Variants in CD226 observed in about 807,000 individuals in gnomAD.
The protein encoded by CD226 is CD226 molecule, also known as CD226 antigen.
A neutral mutation model predicts 34.9 loss-of-function variants in CD226; 24 were observed. The observed-to-expected ratio is 0.69, with a 90% CI of 0.50 to 0.97. The LOEUF (loss-of-function observed/expected upper bound fraction) is 0.97. Ranked by LOEUF, CD226 falls within the 50% of genes least tolerant of loss-of-function variation. CD226 has a pLI of 0.00. For missense variants in CD226, 397 were observed against 412.7 expected, an observed-to-expected ratio of 0.96 and a Z score of 0.33; for synonymous variants, 148 against 147.4, an observed-to-expected ratio of 1.00 and a Z score of -0.03.
intron 1 of CD226, among the ~76,000 whole-genome samples, chr18:69,955,664 C>A (rs2055890528): frequency 6.6e-6 from 1 of 152,008 alleles, no homozygotes; most frequent in South Asian, 2.1e-4. Flanking sequence ...GAGATCGAGA[C>A]CATCGTGGCT....
chr18:69,940,146 C>G (rs1256259802), intron 2 of CD226, among the ~76,000 whole-genome samples: 1 of 152,204 alleles, frequency 6.6e-6, no homozygotes, highest in Non-Finnish European at 1.5e-5. Context: ...CTTCTTCTCC[C>G]TGCTACCATG....
At chr18:69,883,298 C>A (rs925130442) in intron 3 of CD226, among the ~76,000 whole-genome samples, 1 of 151,738 alleles carries the variant, frequency 6.6e-6, no homozygotes, top group African/African-American at 2.4e-5. Context: ...TAAAAAAAAC[C>A]TAGAAAAATG....
In CD226 at chr18:69,860,225, T is replaced by C. The variant is rs1293289846; in HGVS notation, c.*4089A>G. 6.6e-6 allele frequency: 1 copy of C among 152,216 alleles called. No individual in the cohort carries two copies. The highest frequency in any genetic ancestry group is 1.5e-5 in the Non-Finnish European group (1 of 68,030). 9.4% of individuals were successfully genotyped at this position (152,216 alleles called of 1,614,324 possible). ...GCTATTTCTCCATGGCAAATGAAAGTAGTGATCGTGAAACATTGTGTTTTA... is the reference window on the plus strand; with the variant it reads ...GCTATTTCTCCATGGCAAATGAAAGCAGTGATCGTGAAACATTGTGTTTTA... On this transcript the variant is annotated 3_prime_UTR_variant, in exon 6 of 6. Coordinates refer to ENST00000582621, the MANE Select transcript of CD226 (RefSeq NM_001303618.2).
intron 3 of CD226, among the ~76,000 whole-genome samples, chr18:69,887,264 A>G (rs781405471): frequency 1.1e-4 from 16 of 152,194 alleles, no homozygotes; most frequent in Non-Finnish European, 1.9e-4. Context: ...GTTGAAAAAT[A>G]AACTTGTTAC....
intron 2 of CD226, among the ~76,000 whole-genome samples, chr18:69,915,661 C>A (rs1305683905): frequency 6.6e-6 from 1 of 152,154 alleles, no homozygotes; most frequent in Non-Finnish European, 1.5e-5. Flanking sequence ...ACTACACACT[C>A]TTTTTCTAAG....
At chr18:69,939,357 T>C (rs1252970837) in intron 2 of CD226, among the ~76,000 whole-genome samples, 2 of 152,248 alleles carry the variant, frequency 1.3e-5, no homozygotes, top group Non-Finnish European at 2.9e-5. Context: ...AACCCTAGTT[T>C]ACCTATTTTT....
At chr18:69,944,051 C>T (rs2055759824) in intron 2 of CD226, among the ~76,000 whole-genome samples, 1 of 151,324 alleles carries the variant, frequency 6.6e-6, no homozygotes, top group South Asian at 2.1e-4. Flanking sequence ...ATTTGCAATC[C>T]CAGTATGTTG....
intron 2 of CD226, among the ~76,000 whole-genome samples, chr18:69,908,479 G>A (rs1022005896): frequency 2.6e-5 from 4 of 152,136 alleles, no homozygotes; most frequent in African/African-American, 9.7e-5. Flanking sequence ...ACAACAGCAA[G>A]AATGACTAAC....
At chr18:69,866,656 C>A (rs1433483496) in intron 5 of CD226, among the ~76,000 whole-genome samples, 4 of 152,056 alleles carry the variant, frequency 2.6e-5, no homozygotes, top group Non-Finnish European at 5.9e-5. Flanking sequence ...ATATTATGTC[C>A]TCTCCTGGGT....
intron 3 of CD226, among the ~76,000 whole-genome samples, chr18:69,883,371 C>T (rs1051058128): frequency 6.6e-6 from 1 of 152,044 alleles, no homozygotes; most frequent in African/African-American, 2.4e-5. Flanking sequence ...TTGTAGTGAG[C>T]GAGGGGACCA....
intron 2 of CD226, among the ~76,000 whole-genome samples, chr18:69,921,213 C>T (rs1282162342): frequency 1.2e-4 from 19 of 152,118 alleles, no homozygotes. Flanking sequence ...CCTCACCTCT[C>T]ACTACATCTG....
At chr18:69,930,488 T>C (rs1486113905) in intron 2 of CD226, among the ~76,000 whole-genome samples, 2 of 150,524 alleles carry the variant, frequency 1.3e-5, no homozygotes, top group Non-Finnish European at 3.0e-5. Context: ...CATAGGGACG[T>C]GGAAGCCACT....
chr18:69,949,973 C>A (rs2055835596), upstream of CD226, among the ~76,000 whole-genome samples: 2 of 152,092 alleles, frequency 1.3e-5, no homozygotes, highest in East Asian at 3.9e-4. Context: ...CTCACACTCA[C>A]ATATGCACAC....
At chr18:69,869,018 G>A (rs919202953) in intron 4 of CD226, among the ~76,000 whole-genome samples, 1 of 152,196 alleles carries the variant, frequency 6.6e-6, no homozygotes, top group Admixed American at 6.5e-5. Flanking sequence ...ATGCTGGCAA[G>A]GTTGTGGAGG....
At chr18:69,891,486 G>A (rs1319261928) in intron 3 of CD226, among the ~76,000 whole-genome samples, 1 of 152,116 alleles carries the variant, frequency 6.6e-6, no homozygotes, top group Non-Finnish European at 1.5e-5. Context: ...CTTAATCAGA[G>A]CCATTAAACA....
In CD226 at chr18:69,874,121, C is replaced by T. The variant is rs76011089; in HGVS notation, c.728-875G>A. Among the ~76,000 whole-genome samples, 271 of 152,104 alleles carry T rather than the reference C, an allele frequency of 1.8e-3. 1 individual carries two copies. The highest frequency in any genetic ancestry group is 6.0e-3 in the African/African-American group (247 of 41,494). ...CTAAATCTTTCACAATTCAACTGAC[C>T]GACTCCAGCAAATTCCTTACTGTGG... On this transcript the variant is annotated intron_variant, in intron 3 of 5. Coordinates refer to ENST00000582621, the MANE Select transcript of CD226 (RefSeq NM_001303618.2).
intron 4 of CD226, among the ~76,000 whole-genome samples, chr18:69,872,880 T>C (rs1207471393): frequency 6.6e-6 from 1 of 152,130 alleles, no homozygotes; most frequent in African/African-American, 2.4e-5. Flanking sequence ...AGCTTTTTCC[T>C]TGGAGGAGGA....
chr18:69,866,483 C>A (rs1983152188), intron 5 of CD226, among the ~76,000 whole-genome samples: 1 of 151,976 alleles, frequency 6.6e-6, no homozygotes, highest in Non-Finnish European at 1.5e-5. Context: ...ACTCCTGCAG[C>A]CCATAAGGAA....
chr18:69,926,176 T>C (rs1165744902), intron 2 of CD226, among the ~76,000 whole-genome samples: 2 of 151,854 alleles, frequency 1.3e-5, no homozygotes, highest in African/African-American at 2.4e-5. Context: ...CCACTCAGCA[T>C]CAGGTCTTTG....
Sources: gnomAD v4.1 joint callset for allele counts (sites outside exome capture counted in the v4.1 genomes callset) on GRCh38, gnomAD v4.1.1 for gene constraint, MANE v1.5 for transcripts, NCBI Gene and HGNC (gene_info 2026-07-23, HGNC 2026-07-21) for gene names.